SPECC1: variants seen among roughly 807,000 people sequenced by gnomAD.
SPECC1 encodes cytospin-B.
SPECC1 carries 62 observed loss-of-function variants against 104.1 expected under a neutral mutation model. That is an observed-to-expected ratio of 0.60 (90% CI 0.49 to 0.74). The LOEUF (loss-of-function observed/expected upper bound fraction) is 0.74. Ranked by LOEUF, SPECC1 falls within the 30% of genes least tolerant of loss-of-function variation. SPECC1 has a pLI of 0.00. For synonymous variants in SPECC1, 513 were observed against 501.6 expected, an observed-to-expected ratio of 1.02 and a Z score of -0.30; for missense variants, 1,306 against 1,310.5, an observed-to-expected ratio of 1.00 and a Z score of 0.05.
intron 9 of SPECC1, 121 bp downstream of exon 9, chr17:20,247,440 A>C: frequency 1.6e-6 from 1 of 617,982 alleles, no homozygotes; most frequent in Non-Finnish European, 2.8e-6. Context: ...TGTTTTGTAA[A>C]TTGGATTGCA....
At chr17:20,230,496 T>C (rs964852510) in intron 5 of SPECC1, among the ~76,000 whole-genome samples, 3 of 102,546 alleles carry the variant, frequency 2.9e-5, no homozygotes, top group African/African-American at 1.6e-4. Flanking sequence ...AGAAGAAAAG[T>C]CAAGACAAGT....
At chr17:20,232,457 G>C (rs1355351125) in intron 7 of SPECC1, 52 bp downstream of exon 7, 2 of 1,542,492 alleles carry the variant, frequency 1.3e-6, no homozygotes, top group Non-Finnish European at 8.7e-7. Flanking sequence ...ACTATGTATG[G>C]GGCTCCCTGG....
At chr17:20,298,552 G>T (rs972078440) in intron 13 of SPECC1, among the ~76,000 whole-genome samples, 6 of 152,178 alleles carry the variant, frequency 3.9e-5, no homozygotes, top group Non-Finnish European at 7.3e-5. Context: ...GGAGTCTGGG[G>T]CGGGAGAGGC....
At position 20,317,574 on chromosome 17, in the gene SPECC1, T is replaced by C. The variant is rs1275255553; in HGVS notation, c.*3509T>C. 5.2e-6 allele frequency: 1 copy of C among 191,026 alleles called. No homozygotes were observed. Among genetic ancestry groups the C allele is most frequent in the African/African-American group, 2.3e-5 (1 of 42,858 alleles). 11.8% of individuals were successfully genotyped at this position (191,026 alleles called of 1,614,324 possible). ...GCGCCTGGCCCAAAATTTTGTTTTT[T>C]AATTAGCTGGGTACAATGATAGGCA... On this transcript the variant is annotated 3_prime_UTR_variant, in exon 15 of 15. Transcript: ENST00000395527.
chr17:20,063,019 A>G (rs1023716048), intron 1 of SPECC1, among the ~76,000 whole-genome samples: 6 of 152,172 alleles, frequency 3.9e-5, no homozygotes, highest in African/African-American at 1.2e-4. Context: ...AGCCAAATAT[A>G]TAGATATAGA....
chr17:20,035,295 G>T (rs927231971), intron 1 of SPECC1, among the ~76,000 whole-genome samples: 3 of 151,850 alleles, frequency 2.0e-5, no homozygotes, highest in African/African-American at 7.3e-5. Context: ...ATACATTTTT[G>T]TATGATCTTG....
At chr17:20,242,687 A>T (rs2039256435) in intron 7 of SPECC1, among the ~76,000 whole-genome samples, 1 of 152,208 alleles carries the variant, frequency 6.6e-6, no homozygotes, top group African/African-American at 2.4e-5. Context: ...ACATTTATGC[A>T]TTATAGAAAA....
chr17:20,051,092 C>A (rs1482153710), intron 1 of SPECC1, among the ~76,000 whole-genome samples: 1 of 102,654 alleles, frequency 9.7e-6, no homozygotes, highest in East Asian at 2.8e-4. Context: ...TTCTTTCTTT[C>A]TTTCTTTCTT....
At chr17:20,287,423 CAAAAAAAAAAAA>C (rs61713120) in intron 12 of SPECC1, among the ~76,000 whole-genome samples, 12 of 98,056 alleles carry the variant, frequency 1.2e-4, no homozygotes, top group African/African-American at 2.5e-4. Context: ...GACTCCGTCT[CAAAAAAAAAAAA>C]AAAAAAAAAA....
At chr17:20,309,667 G>T (rs1240804314) in intron 14 of SPECC1, among the ~76,000 whole-genome samples, 2 of 152,134 alleles carry the variant, frequency 1.3e-5, no homozygotes, top group Non-Finnish European at 2.9e-5. Flanking sequence ...TTCTGTTTGT[G>T]CATTAGTTTG....
chr17:20,226,342 A>G (rs2038203471), intron 4 of SPECC1, among the ~76,000 whole-genome samples: 1 of 152,238 alleles, frequency 6.6e-6, no homozygotes, highest in Non-Finnish European at 1.5e-5. Context: ...ATTGTAGAGG[A>G]CAAAGCATAT....
Position 20,227,478 on chromosome 17 carries a change from C to T in SPECC1, c.1929C>T (p.Thr643=), listed in dbSNP as rs773043354. The T allele has an allele frequency of 1.9e-6, 3 of 1,613,584 alleles. No homozygotes were observed. The highest frequency in any genetic ancestry group is 2.5e-6 in the Non-Finnish European group (3 of 1,179,902). ...ACCAAGCCGAACAGCTGAGCAGAACCAGCCTAAAGCTGCAAGAAAAAGCAT... is the reference window on the plus strand; with the variant it reads ...ACCAAGCCGAACAGCTGAGCAGAACTAGCCTAAAGCTGCAAGAAAAAGCAT... ...CDHQAEQLSR[T]SLKLQEKASE... The change falls in exon 5 of 15, where the codon ACC becomes ACT. Residue 643 remains threonine, a synonymous_variant. Transcript: ENST00000395527.
chr17:20,077,876 T>C (rs2046821987), intron 1 of SPECC1, among the ~76,000 whole-genome samples: 2 of 152,056 alleles, frequency 1.3e-5, no homozygotes, highest in African/African-American at 4.8e-5. Context: ...CAGCCTTAAC[T>C]TCTCTGTCCC....
intron 1 of SPECC1, among the ~76,000 whole-genome samples, chr17:20,019,202 C>G (rs2044269482): frequency 6.8e-6 from 1 of 146,496 alleles, no homozygotes; most frequent in South Asian, 2.2e-4. Context: ...TACAGAAGAC[C>G]CTATCATTCA....
intron 12 of SPECC1, among the ~76,000 whole-genome samples, chr17:20,278,833 A>G (rs754323049): frequency 8.5e-5 from 13 of 152,106 alleles, no homozygotes; most frequent in Non-Finnish European, 1.6e-4. Context: ...AATTTTTTAT[A>G]TAAATGTTAG....
At chr17:20,115,362 A>G (rs941896506) in intron 3 of SPECC1, among the ~76,000 whole-genome samples, 1 of 152,074 alleles carries the variant, frequency 6.6e-6, no homozygotes, top group Non-Finnish European at 1.5e-5. Context: ...AATCCCAGCT[A>G]CTCAGGAGGC....
At chr17:20,237,988 C>T (rs941882278) in intron 7 of SPECC1, 268 of 997,748 alleles carry the variant, frequency 2.7e-4, no homozygotes, top group Non-Finnish European at 3.0e-4. Flanking sequence ...GTGATCTGGC[C>T]GCCTCAGCCT....
intron 3 of SPECC1, among the ~76,000 whole-genome samples, chr17:20,130,353 G>A (rs758163031): frequency 3.3e-5 from 5 of 152,074 alleles, no homozygotes; most frequent in Admixed American, 6.5e-5. Context: ...TGGACAACAC[G>A]GCAAGATCCC....
intron 1 of SPECC1, among the ~76,000 whole-genome samples, chr17:20,019,811 T>G (rs1346324719): frequency 6.6e-6 from 1 of 152,198 alleles, no homozygotes; most frequent in Admixed American, 6.5e-5. Flanking sequence ...ATGTTGGTCT[T>G]TCTTCCCCAA....
Sources: gnomAD v4.1 joint callset for allele counts (sites outside exome capture counted in the v4.1 genomes callset) on GRCh38, gnomAD v4.1.1 for gene constraint, MANE v1.5 for transcripts, NCBI Gene and HGNC (gene_info 2026-07-23, HGNC 2026-07-21) for gene names.